CFAP300: variants seen among roughly 807,000 people sequenced by gnomAD.
CFAP300 encodes cilia and flagella associated protein 300, also known as cilia- and flagella-associated protein 300.
In CFAP300, 32 loss-of-function variants were observed where a neutral mutation model predicts 33.0. The observed-to-expected ratio is 0.97, with a 90% CI of 0.73 to 1.30. The LOEUF is 1.30. CFAP300 is among the 50% of genes most tolerant of loss of function. The pLI is 0.00. For missense variants in CFAP300, 356 were observed against 318.1 expected, an observed-to-expected ratio of 1.12 and a Z score of -0.90; for synonymous variants, 102 against 106.8, an observed-to-expected ratio of 0.95 and a Z score of 0.28.
chr11:102,053,579 CAAACAAAA>C (rs910774384), intron 2 of CFAP300, among the ~76,000 whole-genome samples: 3 of 151,002 alleles, frequency 2.0e-5, no homozygotes, highest in African/African-American at 7.3e-5. Flanking sequence ...AACAAACAAA[CAAACAAAA>C]ACCTTCAGTG....
intron 2 of CFAP300, among the ~76,000 whole-genome samples, chr11:102,048,724 T>C (rs2135007850): frequency 6.6e-6 from 1 of 152,310 alleles, no homozygotes; most frequent in Admixed American, 6.5e-5. Flanking sequence ...CTACTAGAGG[T>C]GACTACTTTG....
At chr11:102,081,388 GA>G in intron 6 of CFAP300, 107 bp downstream of exon 6, 1 of 868,258 alleles carries the variant, frequency 1.2e-6, no homozygotes, top group East Asian at 2.6e-5. Flanking sequence ...TAGGAGAAAA[GA>G]CAATGTTATT....
Position 102,047,844 on chromosome 11 carries a change from C to A in CFAP300, c.140C>A (p.Ala47Glu). Reference sequence around the variant, plus strand: ...ATGCTGGGCAGAATCAAGGCGCAGGCGTTCGGCTTTGACCAGACCTTTCAG... The same window carrying A: ...ATGCTGGGCAGAATCAAGGCGCAGGAGTTCGGCTTTGACCAGACCTTTCAG... ...WSMLGRIKAQ[A>E]FGFDQTFQSY... is the part of the protein sequence containing the mutation. Residue 47 changes from alanine to glutamate, a missense_variant, in exon 2 of 7, where the codon GCG becomes GAG. Transcript: ENST00000434758. 2 of 1,614,194 alleles carry A rather than the reference C, an allele frequency of 1.2e-6. No homozygotes were observed. Among genetic ancestry groups the A allele is most frequent in the Middle Eastern group, 3.3e-4 (2 of 6,060 alleles).
chr11:102,047,911 C>T lies in CFAP300; in HGVS notation c.192+15C>T, dbSNP rs759486950. On this transcript the variant is annotated intron_variant, in intron 2 of 6. Transcript: ENST00000434758. ...ATTTCGTTATGGTTAGTATGGGGGTCGGAGAGTTCCCTGGGTCTCTGCGGA... is the reference window on the plus strand; with the variant it reads ...ATTTCGTTATGGTTAGTATGGGGGTTGGAGAGTTCCCTGGGTCTCTGCGGA... 3.1e-6 allele frequency: 5 copies of T among 1,612,898 alleles called. No individual in the cohort carries two copies. In the South Asian group the frequency reaches 4.4e-5, roughly 14 times the overall value.
intron 4 of CFAP300, 91 bp downstream of exon 4, chr11:102,066,742 C>A: frequency 1.8e-6 from 2 of 1,092,038 alleles, no homozygotes; most frequent in East Asian, 5.1e-5. Flanking sequence ...GCATAAAATA[C>A]CTTGTCATAA....
Position 102,047,618 on chromosome 11 carries a change from G to T in CFAP300, c.110+38G>T, listed in dbSNP as rs377239593. ...GGCACAGGGAGAGAAGAGGCCCTTG[G>T]TCTTCGCGGCTGTGGAGGCGCAGGC... On this transcript the variant is annotated intron_variant, in intron 1 of 6. Transcript: ENST00000434758. The T allele has an allele frequency of 3.6e-5, 55 of 1,525,132 alleles. No individual in the cohort carries two copies. The African/African-American group carries it at 6.6e-4, about 18-fold the overall frequency. 94.5% of individuals were successfully genotyped at this position (1,525,132 alleles called of 1,614,324 possible).
At chr11:102,049,053 A>C (rs1463132294) in intron 2 of CFAP300, among the ~76,000 whole-genome samples, 1 of 152,226 alleles carries the variant, frequency 6.6e-6, no homozygotes, top group African/African-American at 2.4e-5. Flanking sequence ...ATGAAAAAAC[A>C]ATCTGATTAT....
At chr11:102,063,994 T>C (rs1942188084) in intron 3 of CFAP300, among the ~76,000 whole-genome samples, 1 of 152,160 alleles carries the variant, frequency 6.6e-6, no homozygotes, top group Admixed American at 6.6e-5. Flanking sequence ...TTCTACCTCA[T>C]TGAAACCCAA....
rs80199000 is a variant in CFAP300, at chr11:102,080,775, A to G, written c.609-440A>G. 8.0e-3 allele frequency among the ~76,000 whole-genome samples: 1,222 copies of G among 152,312 alleles called. 15 individuals are homozygous for G. The highest frequency in any genetic ancestry group is 0.027 in the African/African-American group (1,133 of 41,558). On this transcript the variant is annotated intron_variant, in intron 5 of 6. Transcript: ENST00000434758. ...GGAACATATTATTCCCAATTTACAT[A>G]TGAGAAAATTGAGTCTCAGAAAGGT...
intron 2 of CFAP300, among the ~76,000 whole-genome samples, chr11:102,053,419 C>T (rs926665139): frequency 1.9e-4 from 29 of 151,900 alleles, no homozygotes; most frequent in African/African-American, 7.0e-4. Flanking sequence ...GGCATGGTGG[C>T]GGGTGCCTAT....
At chr11:102,059,255 G>A (rs1942105193) in intron 3 of CFAP300, among the ~76,000 whole-genome samples, 1 of 151,426 alleles carries the variant, frequency 6.6e-6, no homozygotes, top group African/African-American at 2.4e-5. Flanking sequence ...AAGAAAACCT[G>A]TACTAAATGA....
chr11:102,073,865 C>T (rs1942355114), intron 4 of CFAP300, among the ~76,000 whole-genome samples: 1 of 152,130 alleles, frequency 6.6e-6, no homozygotes, highest in South Asian at 2.1e-4. Context: ...AGCCCCTCAG[C>T]TGTGGGTGGG....
At chr11:102,062,918 G>T (rs1370544915) in intron 3 of CFAP300, among the ~76,000 whole-genome samples, 1 of 152,226 alleles carries the variant, frequency 6.6e-6, no homozygotes, top group African/African-American at 2.4e-5. Flanking sequence ...AAGGAAGGCT[G>T]TTGGCCTTCT....
rs1274491550 is a variant in CFAP300, at chr11:102,083,993, C to T, written c.*794C>T. 6.6e-6 allele frequency: 1 copy of T among 151,348 alleles called. No homozygotes were observed. Among genetic ancestry groups the T allele is most frequent in the Non-Finnish European group, 1.5e-5 (1 of 67,946 alleles). 9.4% of individuals were successfully genotyped at this position (151,348 alleles called of 1,614,324 possible). A position where few individuals can be genotyped will look rare whatever the true frequency, so the allele number is the denominator to read the frequency against. On this transcript the variant is annotated 3_prime_UTR_variant, in exon 7 of 7. Coordinates refer to ENST00000434758, the MANE Select transcript of CFAP300 (RefSeq NM_032930.3). Reference sequence around the variant, plus strand: ...CTGTGCCACTGTACTCTAGCTCTGGCAACAGAGCAAGACTCCGTCTCAGAA... The same window carrying T: ...CTGTGCCACTGTACTCTAGCTCTGGTAACAGAGCAAGACTCCGTCTCAGAA...
At chr11:102,082,797 G>C (rs1446518037) in intron 6 of CFAP300, among the ~76,000 whole-genome samples, 1 of 152,140 alleles carries the variant, frequency 6.6e-6, no homozygotes, top group African/African-American at 2.4e-5. Flanking sequence ...AGGAGTTCAA[G>C]ACTAGCCTGG....
At chr11:102,062,311 A>G (rs755692293) in intron 3 of CFAP300, among the ~76,000 whole-genome samples, 39 of 152,184 alleles carry the variant, frequency 2.6e-4, no homozygotes, top group Non-Finnish European at 4.3e-4. Context: ...GGTGACTAAG[A>G]TGGATCTTGG....
At chr11:102,058,617 A>G (rs1942094211) in intron 2 of CFAP300, among the ~76,000 whole-genome samples, 1 of 150,712 alleles carries the variant, frequency 6.6e-6, no homozygotes, top group Admixed American at 6.7e-5. Context: ...AATATTATAT[A>G]ACCTCCTAAT....
Position 102,075,843 on chromosome 11 carries a change from G to T in CFAP300, c.436-30G>T, listed in dbSNP as rs564661356. 32 of 1,518,422 alleles carry T rather than the reference G, an allele frequency of 2.1e-5. No homozygotes were observed. The East Asian group carries it at 6.1e-4, about 29-fold the overall frequency. The allele number at this position is 1,518,422 out of a possible 1,614,324, so 94.1% of individuals were successfully genotyped here. The stretch of plus-strand genomic sequence containing the variant: ...AACAAAAGTAAAAATCTTGAGTTAT[G>T]TTACATTAAGATGAATTTTATCGTC... On this transcript the variant is annotated intron_variant, in intron 4 of 6. Coordinates refer to ENST00000434758, the MANE Select transcript of CFAP300 (RefSeq NM_032930.3).
chr11:102,055,510 A>C (rs1942040079), intron 2 of CFAP300, among the ~76,000 whole-genome samples: 1 of 150,686 alleles, frequency 6.6e-6, no homozygotes, highest in Non-Finnish European at 1.5e-5. Context: ...GGTGCACAGC[A>C]CTGTGCCAAG....
Sources: allele counts gnomAD v4.1 joint callset (sites outside exome capture counted in the v4.1 genomes callset), GRCh38; gene constraint gnomAD v4.1.1; transcripts MANE v1.5; gene names NCBI Gene and HGNC (gene_info 2026-07-23, HGNC 2026-07-21).